Variants in SBF2 observed in about 807,000 individuals in gnomAD.
SBF2 encodes the protein myotubularin-related protein 13.
A neutral mutation model predicts 225.2 loss-of-function variants in SBF2; 112 were observed. The ratio of observed to expected loss-of-function variants is 0.50; its 90% CI spans 0.43 to 0.58. The LOEUF (loss-of-function observed/expected upper bound fraction) is 0.58, where lower values mean the gene tolerates loss of function less well. Among genes scored for constraint, SBF2 ranks in the 20% least tolerant of loss-of-function variants. The pLI is 0.00. For missense variants in SBF2, 1,996 were observed against 2,206.2 expected (o/e 0.90, Z 1.91); for synonymous variants, 763 against 773.3 (o/e 0.99, Z 0.22).
intron 1 of SBF2, among the ~76,000 whole-genome samples, chr11:10,262,982 C>T (rs1279795111): frequency 6.6e-6 from 1 of 152,000 alleles, no homozygotes; most frequent in Non-Finnish European, 1.5e-5. Context: ...CAAGTAATGA[C>T]ATTCTTTAAA....
chr11:9,891,652 C>A (rs1048654606), intron 17 of SBF2, among the ~76,000 whole-genome samples: 1 of 152,104 alleles, frequency 6.6e-6, no homozygotes, highest in Non-Finnish European at 1.5e-5. Flanking sequence ...TAAAAGTAAT[C>A]CTAAGAATTT....
At chr11:10,068,022 G>A (rs1233712495) in intron 2 of SBF2, among the ~76,000 whole-genome samples, 1 of 152,172 alleles carries the variant, frequency 6.6e-6, no homozygotes, top group Non-Finnish European at 1.5e-5. Context: ...CTATTGTTAG[G>A]TGTTCTTAAA....
intron 1 of SBF2, among the ~76,000 whole-genome samples, chr11:10,279,105 T>TAAA (rs1459983511): frequency 0.026 from 2,033 of 77,288 alleles, 104 homozygotes; most frequent in Middle Eastern, 0.055. Flanking sequence ...CGGTCTTGTA[T>TAAA]TAAAAAAAAA....
intron 2 of SBF2, among the ~76,000 whole-genome samples, chr11:10,112,134 T>G (rs902628861): frequency 2.9e-4 from 44 of 152,166 alleles, no homozygotes; most frequent in African/African-American, 1.1e-3. Context: ...AACCCCTGAT[T>G]TCTAAAACAC....
In SBF2 at chr11:9,939,382, C is replaced by A. The variant is rs985721546; in HGVS notation, c.1860+22575G>T. Among the ~76,000 whole-genome samples the A allele has an allele frequency of 2.0e-5, 3 of 152,168 alleles. No homozygotes were observed. In the East Asian group the frequency reaches 5.8e-4, roughly 29 times the overall value. On this transcript the variant is annotated intron_variant, in intron 16 of 39. Coordinates refer to ENST00000256190, the MANE Select transcript of SBF2 (RefSeq NM_030962.4). ...AAGTGCTGGTATTACAGGCGTGAGC[C>A]ACTGCGCCCGGCCTAAACATGCATT...
chr11:10,212,989 C>T (rs999975871), intron 1 of SBF2, among the ~76,000 whole-genome samples: 24 of 151,630 alleles, frequency 1.6e-4, no homozygotes, highest in African/African-American at 5.6e-4. Context: ...GCGGAGGTTG[C>T]AGTGAGCTAA....
chr11:10,074,117 C>A (rs1195066781), intron 2 of SBF2, among the ~76,000 whole-genome samples: 1 of 152,018 alleles, frequency 6.6e-6, no homozygotes, highest in South Asian at 2.1e-4. Context: ...GGGTTTGAGG[C>A]CAGTAGGTAG....
chr11:9,878,728 A>G (rs1289393350), intron 17 of SBF2, among the ~76,000 whole-genome samples: 3 of 152,224 alleles, frequency 2.0e-5, no homozygotes, highest in Admixed American at 1.3e-4. Context: ...TTCTAAGATT[A>G]TAATTTTAAT....
At chr11:9,815,093 T>C (rs1286549935) in intron 29 of SBF2, among the ~76,000 whole-genome samples, 3 of 152,030 alleles carry the variant, frequency 2.0e-5, no homozygotes, top group Non-Finnish European at 2.9e-5. Flanking sequence ...GAATGGAATA[T>C]ATAGAATAGC....
chr11:10,265,012 T>A (rs958189620), intron 1 of SBF2, among the ~76,000 whole-genome samples: 18 of 152,226 alleles, frequency 1.2e-4, no homozygotes, highest in Admixed American at 5.2e-4. Context: ...TCCAATTCTT[T>A]GCTATTGTGA....
intron 1 of SBF2, among the ~76,000 whole-genome samples, chr11:10,263,709 G>A (rs992117350): frequency 2.6e-5 from 4 of 151,988 alleles, no homozygotes; most frequent in African/African-American, 7.2e-5. Flanking sequence ...CCATTCACCC[G>A]GAAAAATGAC....
In SBF2 at chr11:9,853,659, G is replaced by C; in HGVS notation, c.2417C>G (p.Ser806Ter). The change falls in exon 20 of 40, where the codon TCA (serine) becomes TGA (stop). Residue 806 changes from serine to a stop codon, truncating the protein, a stop_gained. Transcript: ENST00000256190. LOFTEE classifies it high-confidence loss of function. ...AGAATTGGCAATGTCAGTATTCTCT[G>C]AATCTTCAAACCCACTCTCTGTATC... ...SYDTESGFEDSENTDIANSVV... is the reference protein window; with the variant it reads ...SYDTESGFED The C allele has an allele frequency of 6.2e-7, 1 of 1,613,900 alleles. No homozygotes were observed. Among genetic ancestry groups the C allele is most frequent in the Non-Finnish European group, 8.5e-7 (1 of 1,179,886 alleles).
intron 29 of SBF2, among the ~76,000 whole-genome samples, chr11:9,815,626 G>C (rs2096338704): frequency 6.6e-6 from 1 of 152,136 alleles, no homozygotes; most frequent in African/African-American, 2.4e-5. Context: ...AATGGCAGAG[G>C]GGAGTATTAA....
chr11:9,817,767 A>T (rs1237767132), intron 28 of SBF2, among the ~76,000 whole-genome samples: 13 of 83,500 alleles, frequency 1.6e-4, no homozygotes, highest in African/African-American at 7.0e-4. Flanking sequence ...AAAAAAAAAA[A>T]CTACAAAAAG....
chr11:9,923,034 T>C (rs952987197), intron 16 of SBF2, among the ~76,000 whole-genome samples: 1 of 152,154 alleles, frequency 6.6e-6, no homozygotes, highest in Non-Finnish European at 1.5e-5. Context: ...GCTCGCCAGC[T>C]TGAATGCTGG....
At chr11:10,247,819 G>A (rs1959958655) in intron 1 of SBF2, among the ~76,000 whole-genome samples, 1 of 152,106 alleles carries the variant, frequency 6.6e-6, no homozygotes, top group South Asian at 2.1e-4. Flanking sequence ...ATCCACAGAA[G>A]AAAACACCAT....
chr11:10,214,516 G>C (rs930023718), intron 1 of SBF2, among the ~76,000 whole-genome samples: 3 of 152,104 alleles, frequency 2.0e-5, no homozygotes, highest in African/African-American at 7.2e-5. Context: ...CCAGCTACTC[G>C]GGAGGCTAAG....
chr11:10,044,391 T>C (rs545501678), intron 2 of SBF2: 138 of 154,768 alleles, frequency 8.9e-4, no homozygotes, highest in African/African-American at 3.1e-3. Context: ...TTATCCCATG[T>C]AAATGGCAAT....
intron 4 of SBF2, 145 bp from the exon 5 acceptor site, chr11:10,030,020 ATTAAG>A (rs1317949305): frequency 1.5e-6 from 1 of 654,438 alleles, no homozygotes; most frequent in East Asian, 2.7e-5. Flanking sequence ...AACAGCAAAA[ATTAAG>A]TTTATTAAAT....
Sources: allele counts gnomAD v4.1 joint callset (sites outside exome capture counted in the v4.1 genomes callset), GRCh38; gene constraint gnomAD v4.1.1; transcripts MANE v1.5; gene names NCBI Gene and HGNC (gene_info 2026-07-23, HGNC 2026-07-21).